The following WDR70 variants were observed in gnomAD, a reference collection of about 807,000 sequenced individuals.
The protein encoded by WDR70 is WD repeat domain 70, also known as WD repeat-containing protein 70.
A neutral mutation model predicts 88.6 loss-of-function variants in WDR70; 53 were observed. The observed-to-expected ratio is 0.60, with a 90% confidence interval of 0.48 to 0.75. The LOEUF is 0.75. Among genes scored for constraint, WDR70 ranks in the 30% least tolerant of loss-of-function variants. The pLI, the probability that WDR70 is intolerant of heterozygous loss-of-function variation, is 0.00. For missense variants in WDR70, 610 were observed against 823.2 expected, an observed-to-expected ratio of 0.74 and a Z score of 3.17; for synonymous variants, 280 against 270.0, an observed-to-expected ratio of 1.04 and a Z score of -0.36.
intron 8 of WDR70, among the ~76,000 whole-genome samples, chr5:37,480,412 T>C (rs77687171): frequency 0.01 from 1,592 of 152,274 alleles, 20 homozygotes; most frequent in African/African-American, 0.037. Flanking sequence ...TGAGACTGGA[T>C]AATTTATAAA....
At chr5:37,572,777 C>A (rs944042135) in intron 9 of WDR70, among the ~76,000 whole-genome samples, 5 of 152,172 alleles carry the variant, frequency 3.3e-5, no homozygotes, top group Non-Finnish European at 5.9e-5. Flanking sequence ...TTGTTTTCCT[C>A]CCACTGCAAA....
At chr5:37,648,645 A>G (rs1014380941) in intron 10 of WDR70, among the ~76,000 whole-genome samples, 10 of 151,844 alleles carry the variant, frequency 6.6e-5, no homozygotes, top group Non-Finnish European at 1.0e-4. Context: ...GGTTGGGGAC[A>G]TATCTTTGGC....
chr5:37,491,131 A>G (rs1740056873), intron 8 of WDR70, among the ~76,000 whole-genome samples: 1 of 152,090 alleles, frequency 6.6e-6, no homozygotes, highest in Admixed American at 6.6e-5. Context: ...AGGTATCTAC[A>G]GGGAGAATGT....
chr5:37,486,357 T>G (rs1481390257), intron 8 of WDR70, among the ~76,000 whole-genome samples: 1 of 151,806 alleles, frequency 6.6e-6, no homozygotes, highest in East Asian at 1.9e-4. Flanking sequence ...TTTTTTTTTT[T>G]TTGAGACAGA....
intron 10 of WDR70, among the ~76,000 whole-genome samples, chr5:37,643,292 G>T (rs1423199795): frequency 3.3e-5 from 5 of 152,032 alleles, no homozygotes; most frequent in African/African-American, 1.2e-4. Context: ...TGAGTTCACT[G>T]TAGGTGTGTG....
chr5:37,418,808 G>A (rs942663546), intron 5 of WDR70, among the ~76,000 whole-genome samples: 18 of 151,770 alleles, frequency 1.2e-4, no homozygotes, highest in Admixed American at 1.1e-3. Flanking sequence ...ACTCAGGCTG[G>A]AGTGCCGTGG....
At chr5:37,611,604 G>C (rs1283774075) in intron 10 of WDR70, among the ~76,000 whole-genome samples, 3 of 151,638 alleles carry the variant, frequency 2.0e-5, no homozygotes, top group African/African-American at 7.3e-5. Context: ...CTTGTTTCCA[G>C]TCTTATTTGT....
intron 10 of WDR70, among the ~76,000 whole-genome samples, chr5:37,616,243 A>T (rs1384178775): frequency 6.6e-6 from 1 of 151,866 alleles, no homozygotes; most frequent in East Asian, 1.9e-4. Context: ...CAGCCTTCCG[A>T]GTAGCTGGGA....
rs1561875807 is a variant in WDR70 at position 37,497,427 on chromosome 5, C to CTTCCCTTCCCTTCCG, written c.840+17441_840+17442insTCCCTTCCCTTCCGT. On this transcript the variant is annotated intron_variant, in intron 8 of 17. Coordinates refer to ENST00000265107, the MANE Select transcript of WDR70 (RefSeq NM_018034.4). ...TTCCCCTCCCCTCCCCTTCCCTTCC[C>CTTCCCTTCCCTTCCG]TCTTCCCTTCCCTTCCGTCTTCCCT... is the stretch of plus-strand genomic sequence containing the variant. 4.0e-4 allele frequency among the ~76,000 whole-genome samples: 14 copies of CTTCCCTTCCCTTCCG among 34,884 alleles called. 1 individual carries two copies. In the East Asian group the frequency reaches 8.7e-3, roughly 22 times the overall value. 22.9% of individuals were successfully genotyped at this position (34,884 alleles called of 152,430 possible). A position where few individuals can be genotyped will look rare whatever the true frequency, so the allele number is the denominator to read the frequency against.
At chr5:37,584,397 A>G (rs1391329568) in intron 9 of WDR70, among the ~76,000 whole-genome samples, 2 of 152,200 alleles carry the variant, frequency 1.3e-5, no homozygotes, top group Non-Finnish European at 2.9e-5. Flanking sequence ...TCATTTTTTT[A>G]GTGGAAACTT....
chr5:37,743,922 T>G (rs1748565497), intron 17 of WDR70, among the ~76,000 whole-genome samples: 1 of 152,140 alleles, frequency 6.6e-6, no homozygotes, highest in Non-Finnish European at 1.5e-5. Context: ...AGGGACAAAG[T>G]GCTTCGTTAA....
At chr5:37,400,089 C>G (rs1336518900) in intron 5 of WDR70, among the ~76,000 whole-genome samples, 1 of 152,042 alleles carries the variant, frequency 6.6e-6, no homozygotes, top group Non-Finnish European at 1.5e-5. Context: ...TCTGCCACCA[C>G]GCCTGGCTAA....
At chr5:37,734,984 G>A (rs983561087) in intron 17 of WDR70, among the ~76,000 whole-genome samples, 7 of 151,976 alleles carry the variant, frequency 4.6e-5, no homozygotes, top group Non-Finnish European at 7.4e-5. Context: ...TTTTCTATAT[G>A]TACCCTCAAA....
intron 10 of WDR70, among the ~76,000 whole-genome samples, chr5:37,624,020 A>G (rs1251643167): frequency 1.3e-5 from 2 of 152,152 alleles, no homozygotes; most frequent in African/African-American, 2.4e-5. Flanking sequence ...AACATTCATC[A>G]TCTCAAACAT....
intron 9 of WDR70, among the ~76,000 whole-genome samples, chr5:37,599,613 C>T (rs978597990): frequency 4.6e-5 from 7 of 152,240 alleles, no homozygotes; most frequent in South Asian, 4.1e-4. Flanking sequence ...AATTTGGGGC[C>T]GGGCGTGGTG....
chr5:37,507,876 TAG>T (rs1172320333), intron 8 of WDR70, among the ~76,000 whole-genome samples: 1 of 152,186 alleles, frequency 6.6e-6, no homozygotes, highest in African/African-American at 2.4e-5. Context: ...TGTTTTTTTA[TAG>T]AGTCCTTGGG....
intron 10 of WDR70, among the ~76,000 whole-genome samples, chr5:37,634,365 A>G (rs1346566239): frequency 1.3e-5 from 2 of 152,064 alleles, no homozygotes; most frequent in Admixed American, 6.6e-5. Context: ...CTAATTATCT[A>G]AGAAGACTTT....
intron 6 of WDR70, among the ~76,000 whole-genome samples, chr5:37,439,889 C>A (rs1410853202): frequency 6.6e-6 from 1 of 152,066 alleles, no homozygotes; most frequent in Non-Finnish European, 1.5e-5. Flanking sequence ...GTATGAACCT[C>A]TAAGAGATAA....
intron 9 of WDR70, among the ~76,000 whole-genome samples, chr5:37,563,485 A>T (rs1220069870): frequency 6.6e-5 from 2 of 30,370 alleles, no homozygotes; most frequent in Admixed American, 4.1e-4. Context: ...GGGGCTCCTC[A>T]CTTCCCAGTA....
Sources: gnomAD v4.1 joint callset for allele counts (sites outside exome capture counted in the v4.1 genomes callset) on GRCh38, gnomAD v4.1.1 for gene constraint, MANE v1.5 for transcripts, NCBI Gene and HGNC (gene_info 2026-07-23, HGNC 2026-07-21) for gene names.